SCARA5: variants seen among roughly 807,000 people sequenced by gnomAD.
SCARA5 encodes the protein scavenger receptor class A member 5.
SCARA5 carries 45 observed loss-of-function variants against 46.3 expected under a neutral mutation model. The ratio of observed to expected loss-of-function variants is 0.97; its 90% CI spans 0.76 to 1.24. The LOEUF (loss-of-function observed/expected upper bound fraction) is 1.24. SCARA5 is among the 50% of genes most tolerant of loss of function. The pLI is 0.00. For missense variants in SCARA5, 680 were observed against 689.0 expected (o/e 0.99, Z 0.15); for synonymous variants, 333 against 306.5 (o/e 1.09, Z -0.90).
intron 7 of SCARA5, among the ~76,000 whole-genome samples, chr8:27,884,482 C>T (rs868088508): frequency 6.6e-6 from 1 of 152,244 alleles, no homozygotes; most frequent in African/African-American, 2.4e-5. Context: ...CCTGCCTCAC[C>T]TCTGGCTGCA....
chr8:27,982,081 G>A (rs1027931297), intron 2 of SCARA5, among the ~76,000 whole-genome samples: 4 of 152,190 alleles, frequency 2.6e-5, no homozygotes, highest in African/African-American at 7.2e-5. Flanking sequence ...GGCAGCGAGC[G>A]GCCCGGCTGC....
chr8:27,938,355 T>TA (rs35611304), intron 3 of SCARA5, among the ~76,000 whole-genome samples: 143,486 of 151,454 alleles, frequency 0.95, 68,240 homozygotes, highest in East Asian at 0.99. Flanking sequence ...GTAACTATAA[T>TA]AAAAAAAAAT....
intron 3 of SCARA5, among the ~76,000 whole-genome samples, chr8:27,940,645 CCCATCCATTTGTCCAT>C (rs1385576581): frequency 7.6e-6 from 1 of 131,192 alleles, no homozygotes; most frequent in Non-Finnish European, 1.6e-5. Context: ...CACCCACCCA[CCCATCCATTTGTCCAT>C]CCATCCATTT....
chr8:27,881,118 T>C (rs527861081), intron 7 of SCARA5, among the ~76,000 whole-genome samples: 1 of 152,296 alleles, frequency 6.6e-6, no homozygotes, highest in Non-Finnish European at 1.5e-5. Flanking sequence ...GTTCAGCCAC[T>C]GTGGAAAGCA....
chr8:27,947,708 TAAAA>T (rs34760183), intron 3 of SCARA5, among the ~76,000 whole-genome samples: 1 of 112,910 alleles, frequency 8.9e-6, no homozygotes. Flanking sequence ...GTGTCTCTAC[TAAAA>T]AAAAAAAAAA....
chr8:27,915,573 G>T (rs1225625290), intron 4 of SCARA5, among the ~76,000 whole-genome samples: 1 of 152,216 alleles, frequency 6.6e-6, no homozygotes, highest in Non-Finnish European at 1.5e-5. Flanking sequence ...GGAATCCAAA[G>T]CCCCACTCTG....
At chr8:27,956,632 A>T (rs992449703) in intron 3 of SCARA5, among the ~76,000 whole-genome samples, 1 of 152,174 alleles carries the variant, frequency 6.6e-6, no homozygotes, top group African/African-American at 2.4e-5. Flanking sequence ...ATGATCAAAT[A>T]CTTGACCTCA....
At chr8:27,954,476 AG>A (rs1808177280) in intron 3 of SCARA5, among the ~76,000 whole-genome samples, 1 of 152,210 alleles carries the variant, frequency 6.6e-6, no homozygotes, top group Non-Finnish European at 1.5e-5. Context: ...ATACACACTA[AG>A]GGGTGCTCTT....
At chr8:27,960,099 AG>A (rs1211321957) in intron 3 of SCARA5, among the ~76,000 whole-genome samples, 1 of 152,098 alleles carries the variant, frequency 6.6e-6, no homozygotes, top group Non-Finnish European at 1.5e-5. Flanking sequence ...CTAAACAAGT[AG>A]GTCTGTAATC....
intron 5 of SCARA5, among the ~76,000 whole-genome samples, chr8:27,908,743 AGAAAAT>A (rs1480111091): frequency 6.6e-6 from 1 of 152,096 alleles, no homozygotes; most frequent in Non-Finnish European, 1.5e-5. Context: ...TCGCTAGGGC[AGAAAAT>A]GCAGTTCCAG....
At chr8:27,989,601 A>G (rs1020468022) in intron 1 of SCARA5, among the ~76,000 whole-genome samples, 3 of 152,122 alleles carry the variant, frequency 2.0e-5, no homozygotes, top group Non-Finnish European at 4.4e-5. Context: ...ACACACACGC[A>G]TGTGCACACA....
At chr8:27,901,396 C>G (rs1439913724) in intron 7 of SCARA5, among the ~76,000 whole-genome samples, 3 of 152,150 alleles carry the variant, frequency 2.0e-5, no homozygotes, top group African/African-American at 7.2e-5. Flanking sequence ...AGGAGGGTAG[C>G]TCTCCGGTGC....
In SCARA5 at chr8:27,921,787, G is replaced by A. The variant is rs756094060; in HGVS notation, c.700C>T (p.Leu234=). 7.6e-6 allele frequency: 12 copies of A among 1,570,580 alleles called. No homozygotes were observed. The highest frequency in any genetic ancestry group is 1.0e-5 in the Non-Finnish European group (12 of 1,162,626). ...CGGTGGAGGGCCACGTCGTAGGACA[G>A]GCTGTGGTTGAGGCCGCGCAGCACG... ...GGVLRGLNHS[L]SYDVALHRTR... is the part of the protein sequence containing the mutation. The change falls in exon 4 of 9, where the codon CTG becomes TTG. Residue 234 remains leucine (L), a synonymous_variant. Coordinates refer to ENST00000354914, the MANE Select transcript of SCARA5 (RefSeq NM_173833.6).
At chr8:27,925,290 A>T (rs1475613295) in intron 3 of SCARA5, among the ~76,000 whole-genome samples, 2 of 152,214 alleles carry the variant, frequency 1.3e-5, no homozygotes, top group Admixed American at 6.5e-5. Context: ...CAAAACAGAG[A>T]TATAGACCAA....
chr8:27,971,903 G>A (rs918745918), intron 2 of SCARA5, among the ~76,000 whole-genome samples: 3 of 152,138 alleles, frequency 2.0e-5, no homozygotes, highest in African/African-American at 7.2e-5. Context: ...CCATAGCAGA[G>A]TGTCCCTGGG....
chr8:27,946,972 C>T (rs1315166622), intron 3 of SCARA5, among the ~76,000 whole-genome samples: 1 of 151,558 alleles, frequency 6.6e-6, no homozygotes, highest in African/African-American at 2.4e-5. Flanking sequence ...TCTGTCTCTC[C>T]TAGCGAACAG....
Position 27,904,853 on chromosome 8 carries a change from C to G in SCARA5, c.1097-19G>C, listed in dbSNP as rs114339718. 1,577 of 1,587,246 alleles carry G rather than the reference C, an allele frequency of 9.9e-4. 15 individuals are homozygous for G. The African/African-American group carries it at 0.019, about 19-fold the overall frequency. ...CGGTCACCTAAAACAGAGGAGGAAA[C>G]TGGCATTAGAAATGGAAAGAAATCC... On this transcript the variant is annotated intron_variant, in intron 6 of 8. Coordinates refer to ENST00000354914, the MANE Select transcript of SCARA5 (RefSeq NM_173833.6).
At chr8:27,889,894 A>C (rs905209128) in intron 7 of SCARA5, among the ~76,000 whole-genome samples, 1 of 152,158 alleles carries the variant, frequency 6.6e-6, no homozygotes, top group Admixed American at 6.5e-5. Flanking sequence ...GGGTGATTCT[A>C]CTTCCCGTGC....
chr8:27,880,856 G>A (rs1432934495), intron 7 of SCARA5, among the ~76,000 whole-genome samples: 64 of 3,098 alleles, frequency 0.021, no homozygotes, highest in African/African-American at 0.042. Flanking sequence ...CCCTGTCTAA[G>A]GAAAAAAAAA....
Sources: allele counts gnomAD v4.1 joint callset (sites outside exome capture counted in the v4.1 genomes callset), GRCh38; gene constraint gnomAD v4.1.1; transcripts MANE v1.5; gene names NCBI Gene and HGNC (gene_info 2026-07-23, HGNC 2026-07-21).